The following SEMA3C variants were observed in gnomAD, a reference collection of about 807,000 sequenced individuals.
SEMA3C encodes the protein semaphorin 3C, also known as semaphorin-3C.
Under a neutral mutation model 89.4 loss-of-function variants are expected in SEMA3C, and 47 were observed. The ratio of observed to expected loss-of-function variants is 0.53; its 90% CI spans 0.42 to 0.67. The LOEUF is 0.67. Ranked by LOEUF, SEMA3C falls within the 30% of genes least tolerant of loss-of-function variation. The pLI, the probability that SEMA3C is intolerant of heterozygous loss-of-function variation, is 0.00. For missense variants in SEMA3C, 839 were observed against 929.1 expected (o/e 0.90, Z 1.26); for synonymous variants, 310 against 320.2 (o/e 0.97, Z 0.34).
intron 2 of SEMA3C, among the ~76,000 whole-genome samples, chr7:80,885,654 T>G (rs945518632): frequency 1.3e-5 from 2 of 152,192 alleles, no homozygotes; most frequent in African/African-American, 4.8e-5. Flanking sequence ...TATTGGTTGT[T>G]GGTGAGTTCA....
intron 2 of SEMA3C, among the ~76,000 whole-genome samples, chr7:80,911,263 A>C (rs991894161): frequency 1.3e-5 from 2 of 152,204 alleles, no homozygotes; most frequent in African/African-American, 4.8e-5. Flanking sequence ...TGTGGATCTT[A>C]AAACTAATTC....
At chr7:80,754,957 G>GTTTTTTTTTGTTTTTTTTTGT (rs1788025685) in intron 15 of SEMA3C, among the ~76,000 whole-genome samples, 2 of 108,364 alleles carry the variant, frequency 1.8e-5, no homozygotes, top group African/African-American at 7.1e-5. Flanking sequence ...GTTTTTTTTT[G>GTTTTTTTTTGTTTTTTTTTGT]TTTTTTTTTT....
intron 12 of SEMA3C, among the ~76,000 whole-genome samples, chr7:80,779,214 C>A (rs1416082190): frequency 2.0e-5 from 3 of 152,126 alleles, no homozygotes. Flanking sequence ...GTTTACACAA[C>A]TGTAAAATGG....
intron 2 of SEMA3C, among the ~76,000 whole-genome samples, chr7:80,916,299 C>G (rs1224428368): frequency 8.5e-5 from 13 of 152,068 alleles, no homozygotes; most frequent in Admixed American, 2.6e-4. Flanking sequence ...AGTAATTGAA[C>G]CTGCATAGCT....
In SEMA3C at chr7:80,898,200, G is replaced by A. The variant is rs1033142892; in HGVS notation, c.103+18479C>T. Among the ~76,000 whole-genome samples, 15 of 151,710 alleles carry A rather than the reference G, an allele frequency of 9.9e-5. 1 individual carries two copies. The highest frequency in any genetic ancestry group is 7.8e-4 in the East Asian group (4 of 5,122). On this transcript the variant is annotated intron_variant, in intron 2 of 17. Transcript: ENST00000265361. ...GCCAACATGCTGAACCCCGCGTGCC[G>A]ACGAAAAATACAAAAATTAGCCAGG...
At chr7:80,774,275 T>A in intron 12 of SEMA3C, among the ~76,000 whole-genome samples, 1 of 152,138 alleles carries the variant, frequency 6.6e-6, no homozygotes, top group East Asian at 1.9e-4. Flanking sequence ...CAGGGCATTA[T>A]CCATAATTTC....
In SEMA3C at chr7:80,909,848, C is replaced by T. The variant is rs142631228; in HGVS notation, c.103+6831G>A. Among the ~76,000 whole-genome samples the T allele has an allele frequency of 1.6e-3, 237 of 152,180 alleles. 1 individual carries two copies. In the East Asian group the frequency reaches 0.023, roughly 15 times the overall value. On this transcript the variant is annotated intron_variant, in intron 2 of 17. Coordinates refer to ENST00000265361, the MANE Select transcript of SEMA3C (RefSeq NM_006379.5). The stretch of plus-strand genomic sequence containing the variant: ...CTTATTTATGTATTGCCTCAATCTT[C>T]GCAAAGAGAATTGAGAGGCACTTAA...
intron 12 of SEMA3C, among the ~76,000 whole-genome samples, chr7:80,788,969 C>A (rs1194600752): frequency 6.6e-6 from 1 of 152,098 alleles, no homozygotes; most frequent in African/African-American, 2.4e-5. Context: ...AAAGCTGGTT[C>A]ATTTCCAGTT....
intron 2 of SEMA3C, among the ~76,000 whole-genome samples, chr7:80,905,384 A>G (rs932774196): frequency 6.6e-6 from 1 of 150,418 alleles, no homozygotes; most frequent in Non-Finnish European, 1.5e-5. Context: ...CACCACAGAC[A>G]GTTTAGGATT....
At chr7:80,879,601 T>C (rs1178501784) in intron 2 of SEMA3C, among the ~76,000 whole-genome samples, 1 of 152,158 alleles carries the variant, frequency 6.6e-6, no homozygotes, top group Non-Finnish European at 1.5e-5. Context: ...TTTCCCTGAG[T>C]TATGCTATAG....
rs941539614 is a variant in SEMA3C, at chr7:80,919,028, T to A, written c.-239A>T. ...GCGGCACCCGGAGCTCTTCTCCGCG[T>A]CGCTCAATCAAGCACCTCGGAGTGA... On this transcript the variant is annotated 5_prime_UTR_variant, in exon 1 of 18. Transcript: ENST00000265361. The A allele has an allele frequency of 1.0e-6, 1 of 985,180 alleles. No individual in the cohort carries two copies. Among genetic ancestry groups the A allele is most frequent in the Non-Finnish European group, 1.2e-6 (1 of 829,894 alleles). 61.0% of individuals were successfully genotyped at this position (985,180 alleles called of 1,614,324 possible).
intron 3 of SEMA3C, among the ~76,000 whole-genome samples, chr7:80,827,843 T>C (rs1789912320): frequency 6.6e-6 from 1 of 152,162 alleles, no homozygotes; most frequent in Non-Finnish European, 1.5e-5. Flanking sequence ...AATCTACACT[T>C]ACATATCTTT....
chr7:80,764,645 G>C (rs1788256357), intron 13 of SEMA3C, among the ~76,000 whole-genome samples: 1 of 151,994 alleles, frequency 6.6e-6, no homozygotes, highest in African/African-American at 2.4e-5. Context: ...CAAGTTCTGA[G>C]TGGTAAAGAG....
At chr7:80,853,691 T>C (rs1026701588) in intron 2 of SEMA3C, among the ~76,000 whole-genome samples, 1 of 152,022 alleles carries the variant, frequency 6.6e-6, no homozygotes, top group Non-Finnish European at 1.5e-5. Flanking sequence ...TTAGAATAAA[T>C]AGGATGGAGT....
At chr7:80,899,150 C>T (rs1399501134) in intron 2 of SEMA3C, among the ~76,000 whole-genome samples, 2 of 152,184 alleles carry the variant, frequency 1.3e-5, no homozygotes, top group Non-Finnish European at 2.9e-5. Flanking sequence ...AAGCAATTCT[C>T]CTGCCTCAGC....
At chr7:80,887,818 T>C (rs1281134183) in intron 2 of SEMA3C, among the ~76,000 whole-genome samples, 3 of 152,166 alleles carry the variant, frequency 2.0e-5, no homozygotes, top group Admixed American at 2.0e-4. Context: ...AATATTCTGG[T>C]GTTAGACATA....
chr7:80,796,803 T>G (rs928755604), intron 11 of SEMA3C, among the ~76,000 whole-genome samples: 3 of 152,182 alleles, frequency 2.0e-5, no homozygotes, highest in Non-Finnish European at 1.5e-5. Context: ...TACATATAAA[T>G]GATTAAACTT....
intron 2 of SEMA3C, chr7:80,905,717 G>T: frequency 2.0e-6 from 1 of 494,106 alleles, no homozygotes; most frequent in Non-Finnish European, 3.7e-6. Flanking sequence ...ACTAGTTTAA[G>T]ATAATTTTTG....
intron 2 of SEMA3C, among the ~76,000 whole-genome samples, chr7:80,909,929 T>C (rs1392028147): frequency 1.3e-5 from 2 of 152,210 alleles, no homozygotes; most frequent in Non-Finnish European, 2.9e-5. Flanking sequence ...AAATTACTGC[T>C]GAAAATCAGC....
Sources: gnomAD v4.1 joint callset for allele counts (sites outside exome capture counted in the v4.1 genomes callset) on GRCh38, gnomAD v4.1.1 for gene constraint, MANE v1.5 for transcripts, NCBI Gene and HGNC (gene_info 2026-07-23, HGNC 2026-07-21) for gene names.